ALDH3B1: variants seen among roughly 807,000 people sequenced by gnomAD.
ALDH3B1 encodes aldehyde dehydrogenase 3 family member B1, also known as aldehyde dehydrogenase family 3 member B1.
A neutral mutation model predicts 46.2 loss-of-function variants in ALDH3B1; 37 were observed. The ratio of observed to expected loss-of-function variants is 0.80; its 90% CI spans 0.62 to 1.05. ALDH3B1 has a LOEUF of 1.05. ALDH3B1 is among the 50% of genes least tolerant of loss of function. The pLI is 0.00. For synonymous variants in ALDH3B1, 283 were observed against 281.0 expected (o/e 1.01, Z -0.07); for missense variants, 603 against 665.5 (o/e 0.91, Z 1.03).
rs1857499805 is a variant in ALDH3B1 at position 68,021,675 on chromosome 11, A to G, written c.753A>G (p.Leu251=). ...GQTCVAPDYV[L]CSPEMQERLL... is the part of the protein sequence containing the mutation. ...CCTGCGTGGCCCCCGACTACGTCCT[A>G]TGCAGCCCTGAGATGCAGGAGAGGC... The change falls in exon 7 of 10, where the codon CTA becomes CTG. Residue 251 remains leucine (L), a synonymous_variant. Transcript: ENST00000342456. 1.2e-6 allele frequency: 2 copies of G among 1,613,874 alleles called. No homozygotes were observed. Among genetic ancestry groups the G allele is most frequent in the African/African-American group, 1.3e-5 (1 of 74,970 alleles).
At chr11:68,015,712 A>G in intron 2 of ALDH3B1, 1 of 673,474 alleles carries the variant, frequency 1.5e-6, no homozygotes, top group Non-Finnish European at 2.7e-6. Context: ...AGAATAAAAC[A>G]CAGTTCCCAT....
At chr11:68,019,081 G>A in intron 4 of ALDH3B1, 89 bp from the exon 5 acceptor site, 2 of 1,488,684 alleles carry the variant, frequency 1.3e-6, no homozygotes, top group South Asian at 1.2e-5. Flanking sequence ...GCATCTGAAA[G>A]TGGGTGAGGC....
intron 1 of ALDH3B1, among the ~76,000 whole-genome samples, chr11:68,010,606 G>A (rs1168627663): frequency 6.6e-6 from 1 of 152,286 alleles, no homozygotes; most frequent in East Asian, 1.9e-4. Flanking sequence ...CGAGGTCCCG[G>A]GCACCCCCCT....
rs200709828 is a variant in ALDH3B1 at position 68,027,914 on chromosome 11, A to G, written c.1382A>G (p.Gln461Arg). The change falls in exon 10 of 10, where the codon CAA becomes CGA. Residue 461 changes from glutamine to arginine, a missense_variant. Physicochemically the swap from Gln to Arg is conservative, Grantham distance 43 (BLOSUM62 1). Coordinates refer to ENST00000342456, the MANE Select transcript of ALDH3B1 (RefSeq NM_000694.4). Reference protein sequence around the residue: ...LRMLLVAMEAQGCSCTLL With the variant: ...LRMLLVAMEARGCSCTLL ...ATGCTGCTGGTGGCCATGGAGGCCC[A>G]AGGCTGCAGCTGCACACTGCTCTGA... 4 of 1,558,010 alleles carry G rather than the reference A, an allele frequency of 2.6e-6. No individual in the cohort carries two copies. Among genetic ancestry groups the G allele is most frequent in the Middle Eastern group, 1.7e-4 (1 of 6,006 alleles).
intron 9 of ALDH3B1, 151 bp from the exon 10 acceptor site, chr11:68,027,598 C>T (rs886701): frequency 0.23 from 192,495 of 832,126 alleles, 23,153 homozygotes; most frequent in African/African-American, 0.29. Context: ...AGCTCGGGGC[C>T]AAGCCCTTTA....
rs1158415774 is a variant in ALDH3B1, at chr11:68,018,623, G to T, written c.259G>T (p.Val87Leu). ...CCGGGCCTGGATGAAGGACGAGCGTGTGCCCAAGAACCTGGTGAGCCGGCC... is the reference window on the plus strand; with the variant it reads ...CCGGGCCTGGATGAAGGACGAGCGTTTGCCCAAGAACCTGGTGAGCCGGCC... ...NLRAWMKDER[V>L]PKNLATQLDS... Residue 87 changes from valine to leucine, a missense_variant, in exon 3 of 10, where the codon GTG (valine) becomes TTG (leucine). Val to Leu is a conservative substitution (Grantham distance 32). Coordinates refer to ENST00000342456, the MANE Select transcript of ALDH3B1 (RefSeq NM_000694.4). 6.3e-7 allele frequency: 1 copy of T among 1,577,476 alleles called. No homozygotes were observed. The highest frequency in any genetic ancestry group is 8.6e-7 in the Non-Finnish European group (1 of 1,162,192).
chr11:68,022,880 GCT>G (rs1857538979), intron 8 of ALDH3B1, 119 bp downstream of exon 8: 2 of 1,415,246 alleles, frequency 1.4e-6, no homozygotes, highest in African/African-American at 1.4e-5. Flanking sequence ...GGACCTCTTG[GCT>G]CTGTCTCTGC....
At chr11:68,009,392 T>C (rs372352625), upstream of ALDH3B1, among the ~76,000 whole-genome samples, 2 of 152,086 alleles carry the variant, frequency 1.3e-5, no homozygotes, top group East Asian at 3.8e-4. Flanking sequence ...GAGTCTTGGG[T>C]AGGGTGTAGC....
intron 1 of ALDH3B1, among the ~76,000 whole-genome samples, 175 bp downstream of exon 1, chr11:68,010,567 G>T (rs1266332591): frequency 6.6e-6 from 1 of 152,248 alleles, no homozygotes; most frequent in Admixed American, 6.5e-5. Context: ...GAAAGCGGAA[G>T]GAGGAGAGGC....
intron 8 of ALDH3B1, chr11:68,025,157 G>A (rs1194174889): frequency 6.6e-6 from 1 of 152,216 alleles, no homozygotes; most frequent in Non-Finnish European, 1.5e-5. Flanking sequence ...TAAGACACAA[G>A]TCATGCACAA....
At chr11:68,020,156 C>T (rs1428434019) in intron 6 of ALDH3B1, among the ~76,000 whole-genome samples, 1 of 152,126 alleles carries the variant, frequency 6.6e-6, no homozygotes, top group Non-Finnish European at 1.5e-5. Flanking sequence ...CCCAGGGTCA[C>T]CCTGCTGGCC....
intron 2 of ALDH3B1, 90 bp downstream of exon 2, chr11:68,015,549 C>G: frequency 6.6e-7 from 1 of 1,515,504 alleles, no homozygotes; most frequent in South Asian, 1.2e-5. Flanking sequence ...ACACCTGCGC[C>G]CTCCATGAAG....
At position 68,021,537 on chromosome 11, in the gene ALDH3B1, A is replaced by G. The variant is rs754433172; in HGVS notation, c.615A>G (p.Thr205=). ...IVMTAAAKHL[T]PVTLELGGKN... ...TGACTGCTGCCGCCAAGCACCTGAC[A>G]CCTGTCACCCTGGAGCTGGGGGGCA... The change falls in exon 7 of 10, where the codon ACA becomes ACG. Residue 205 remains threonine, a synonymous_variant. Coordinates refer to ENST00000342456, the MANE Select transcript of ALDH3B1 (RefSeq NM_000694.4). 3 of 1,613,706 alleles carry G rather than the reference A, an allele frequency of 1.9e-6. No homozygotes were observed. Among genetic ancestry groups the G allele is most frequent in the African/African-American group, 2.7e-5 (2 of 74,844 alleles).
intron 8 of ALDH3B1, among the ~76,000 whole-genome samples, chr11:68,023,342 C>G (rs1441283666): frequency 3.5e-5 from 5 of 140,848 alleles, no homozygotes; most frequent in Non-Finnish European, 6.1e-5. Flanking sequence ...CTCACTCTGT[C>G]ACCCAGGCTG....
intron 8 of ALDH3B1, chr11:68,025,238 GC>G (rs2017540705): frequency 6.6e-6 from 1 of 152,296 alleles, no homozygotes; most frequent in East Asian, 1.9e-4. Context: ...TGCTGCCACT[GC>G]CATTGTGGGT....
chr11:68,014,305 A>C (rs1039939618), intron 1 of ALDH3B1, among the ~76,000 whole-genome samples: 9 of 152,106 alleles, frequency 5.9e-5, no homozygotes, highest in African/African-American at 1.9e-4. Flanking sequence ...TCAAGGGGCC[A>C]CTGTGACAGT....
intron 1 of ALDH3B1, among the ~76,000 whole-genome samples, chr11:68,014,134 G>C (rs1418840279): frequency 1.3e-5 from 2 of 152,230 alleles, no homozygotes; most frequent in East Asian, 3.8e-4. Flanking sequence ...CCGGTAACAT[G>C]AGAGGCTTCA....
Position 68,012,850 on chromosome 11 carries a change from A to G in ALDH3B1, c.-1-2447A>G, listed in dbSNP as rs12281209. Among the ~76,000 whole-genome samples, 624 of 152,208 alleles carry G rather than the reference A, an allele frequency of 4.1e-3. 1 individual carries two copies. Among genetic ancestry groups the G allele is most frequent in the African/African-American group, 0.012 (482 of 41,520 alleles). The stretch of plus-strand genomic sequence containing the variant: ...TGCTCTTCTGGATTTGGGTTTTCCA[A>G]TGTGAGGAGCTGGGTGGTATCAGGC... On this transcript the variant is annotated intron_variant, in intron 1 of 9. Transcript: ENST00000342456.
chr11:68,008,993 A>G (rs554032970), upstream of ALDH3B1, among the ~76,000 whole-genome samples: 1 of 152,286 alleles, frequency 6.6e-6, no homozygotes, highest in East Asian at 1.9e-4. Context: ...CCTGTGCCGA[A>G]CTTGAGGAAG....
Sources: allele counts gnomAD v4.1 joint callset (sites outside exome capture counted in the v4.1 genomes callset), GRCh38; gene constraint gnomAD v4.1.1; transcripts MANE v1.5; gene names NCBI Gene and HGNC (gene_info 2026-07-23, HGNC 2026-07-21).